SEMA6D: variants seen among roughly 807,000 people sequenced by gnomAD.
SEMA6D encodes semaphorin 6D.
In SEMA6D, 35 loss-of-function variants were observed where a neutral mutation model predicts 106.6. The ratio of observed to expected loss-of-function variants is 0.33; its 90% CI spans 0.25 to 0.44. The LOEUF is 0.44. Ranked by LOEUF, SEMA6D falls within the 20% of genes least tolerant of loss-of-function variation. The probability of loss-of-function intolerance (pLI) is 1.00; values close to 1 mark genes in which losing one functional copy is unlikely to be tolerated. For missense variants in SEMA6D, 1,185 were observed against 1,345.9 expected (o/e 0.88, Z 1.87); for synonymous variants, 499 against 487.7 (o/e 1.02, Z -0.31).
At chr15:47,538,422 G>A (rs1015578343) in intron 3 of SEMA6D, among the ~76,000 whole-genome samples, 2 of 152,178 alleles carry the variant, frequency 1.3e-5, no homozygotes, top group African/African-American at 4.8e-5. Flanking sequence ...TGTCAGACAA[G>A]TTGAGGTCTG....
chr15:47,684,197 A>T (rs1206550334), intron 4 of SEMA6D, among the ~76,000 whole-genome samples: 1 of 152,066 alleles, frequency 6.6e-6, no homozygotes, highest in Non-Finnish European at 1.5e-5. Flanking sequence ...CTTCATGTGG[A>T]TTATGCAGTT....
At chr15:47,583,765 G>A (rs2076291270) in intron 3 of SEMA6D, among the ~76,000 whole-genome samples, 2 of 152,152 alleles carry the variant, frequency 1.3e-5, no homozygotes, top group Non-Finnish European at 2.9e-5. Flanking sequence ...AGTCTTCTGG[G>A]AAAGGGGAAG....
intron 1 of SEMA6D, among the ~76,000 whole-genome samples, chr15:47,411,486 A>G (rs2040797392): frequency 6.6e-6 from 1 of 152,218 alleles, no homozygotes; most frequent in East Asian, 1.9e-4. Flanking sequence ...CCAAAAAAAT[A>G]CTTTAGCAGA....
chr15:47,752,282 G>A (rs2081484156), intron 1 of SEMA6D, among the ~76,000 whole-genome samples: 1 of 152,164 alleles, frequency 6.6e-6, no homozygotes, highest in Admixed American at 6.5e-5. Flanking sequence ...GGAAAAGCAA[G>A]GAAAGGCAGT....
chr15:47,747,033 T>C lies in SEMA6D; in HGVS notation c.-54-12712T>C, dbSNP rs1567066603. ...ATTGTAGAAGGTTCCTTGTGCATTA[T>C]ACTTTCACAAAGCAAGTTATTATAT... On this transcript the variant is annotated intron_variant, in intron 1 of 18. Coordinates refer to ENST00000536845, the MANE Select transcript of SEMA6D (RefSeq NM_001358351.3). Among the ~76,000 whole-genome samples the C allele has an allele frequency of 2.7e-5, 4 of 146,396 alleles. No homozygotes were observed. The South Asian group carries it at 6.6e-4, about 24-fold the overall frequency.
At chr15:47,234,816 CA>C (rs1422250571) in intron 1 of SEMA6D, among the ~76,000 whole-genome samples, 3 of 152,066 alleles carry the variant, frequency 2.0e-5, no homozygotes, top group African/African-American at 7.2e-5. Flanking sequence ...CATTCATGTG[CA>C]GGTGCATTTT....
intron 4 of SEMA6D, among the ~76,000 whole-genome samples, chr15:47,651,959 T>C (rs1365882375): frequency 2.6e-5 from 4 of 152,216 alleles, no homozygotes; most frequent in African/African-American, 9.6e-5. Flanking sequence ...AGTCTACGTG[T>C]CCTTCAAAAA....
chr15:47,710,194 A>G (rs1320347456), intron 4 of SEMA6D, among the ~76,000 whole-genome samples: 1 of 152,216 alleles, frequency 6.6e-6, no homozygotes, highest in African/African-American at 2.4e-5. Context: ...ATTTCCATCA[A>G]TTATAAATTA....
At chr15:47,233,499 A>C (rs2032345746) in intron 1 of SEMA6D, among the ~76,000 whole-genome samples, 1 of 152,072 alleles carries the variant, frequency 6.6e-6, no homozygotes, top group South Asian at 2.1e-4. Flanking sequence ...TAACGATTGC[A>C]TTGTATCTGT....
chr15:47,760,390 C>T lies in SEMA6D; in HGVS notation c.196C>T (p.Arg66Ter). The change falls in exon 3 of 19, where the codon CGA (arginine) becomes TGA (stop). Residue 66 changes from arginine (R) to a stop codon, truncating the protein, a stop_gained. Transcript: ENST00000536845. LOFTEE classifies it high-confidence loss of function. ...RLDFQLMLKI[R>*]DTLYIAGRDQ... ...GGACTTTCAGCTGATGTTGAAAATT[C>T]GAGACACACTTTATATTGCTGGCAG... is the stretch of plus-strand genomic sequence containing the variant. 1.2e-6 allele frequency: 2 copies of T among 1,613,412 alleles called. No individual in the cohort carries two copies. The highest frequency in any genetic ancestry group is 1.7e-6 in the Non-Finnish European group (2 of 1,179,530).
intron 2 of SEMA6D, among the ~76,000 whole-genome samples, chr15:47,414,771 C>T (rs281214): frequency 0.63 from 95,476 of 151,862 alleles, 30,448 homozygotes; most frequent in Middle Eastern, 0.7. Context: ...AACAGATAGA[C>T]TTGTTTGAGA....
intron 4 of SEMA6D, among the ~76,000 whole-genome samples, chr15:47,647,361 T>A (rs2077599557): frequency 1.3e-5 from 2 of 152,212 alleles, no homozygotes. Flanking sequence ...AAGCTCACTT[T>A]GAACTAACAG....
At chr15:47,357,208 C>T (rs1203725559) in intron 1 of SEMA6D, among the ~76,000 whole-genome samples, 3 of 151,986 alleles carry the variant, frequency 2.0e-5, no homozygotes, top group Non-Finnish European at 4.4e-5. Flanking sequence ...GTGGCGGGCA[C>T]CTGTAGTCCC....
chr15:47,388,435 A>G (rs751655236), intron 1 of SEMA6D, among the ~76,000 whole-genome samples: 1 of 152,158 alleles, frequency 6.6e-6, no homozygotes, highest in Admixed American at 6.5e-5. Context: ...GGGTAGTGTC[A>G]TGAAATCCTG....
At chr15:47,702,470 A>G (rs773786855) in intron 4 of SEMA6D, among the ~76,000 whole-genome samples, 6 of 152,184 alleles carry the variant, frequency 3.9e-5, no homozygotes, top group Non-Finnish European at 8.8e-5. Context: ...GTTTTCTTAC[A>G]AAACTAAACA....
At chr15:47,225,122 A>G (rs1464845196) in intron 1 of SEMA6D, among the ~76,000 whole-genome samples, 2 of 151,966 alleles carry the variant, frequency 1.3e-5, no homozygotes, top group East Asian at 1.9e-4. Flanking sequence ...GAATGTCACC[A>G]ACTCTGGAGA....
intron 1 of SEMA6D, among the ~76,000 whole-genome samples, chr15:47,204,255 A>C (rs941280253): frequency 1.3e-5 from 2 of 152,188 alleles, no homozygotes; most frequent in Admixed American, 6.6e-5. Context: ...TTCCAAATAC[A>C]GTATCAACAG....
chr15:47,373,275 T>C (rs1339927095), intron 1 of SEMA6D, among the ~76,000 whole-genome samples: 1 of 152,214 alleles, frequency 6.6e-6, no homozygotes, highest in African/African-American at 2.4e-5. Flanking sequence ...AGTGGGATTT[T>C]AGTAGACAGG....
intron 2 of SEMA6D, among the ~76,000 whole-genome samples, chr15:47,422,332 A>G (rs1336444436): frequency 6.6e-6 from 1 of 151,998 alleles, no homozygotes; most frequent in African/African-American, 2.4e-5. Flanking sequence ...TGAAGTATGT[A>G]CAATGAAACT....
Sources: gnomAD v4.1 joint callset for allele counts (sites outside exome capture counted in the v4.1 genomes callset) on GRCh38, gnomAD v4.1.1 for gene constraint, MANE v1.5 for transcripts, NCBI Gene and HGNC (gene_info 2026-07-23, HGNC 2026-07-21) for gene names.